Variants in DOP1B observed in about 807,000 individuals in gnomAD.
The protein encoded by DOP1B is protein DOP1B.
DOP1B carries 174 observed loss-of-function variants against 233.5 expected under a neutral mutation model. The ratio of observed to expected loss-of-function variants is 0.75; its 90% confidence interval spans 0.66 to 0.85. The LOEUF (loss-of-function observed/expected upper bound fraction) is 0.85. Among genes scored for constraint, DOP1B ranks in the 40% least tolerant of loss-of-function variants. The probability of loss-of-function intolerance (pLI) is 0.00; values close to 1 mark genes in which losing one functional copy is unlikely to be tolerated. For missense variants in DOP1B, 2,652 were observed against 2,846.6 expected (o/e 0.93, Z 1.56); for synonymous variants, 1,190 against 1,185.6 (o/e 1.00, Z -0.08).
At chr21:36,188,854 G>A (rs1266258351) in intron 2 of DOP1B, among the ~76,000 whole-genome samples, 5 of 151,952 alleles carry the variant, frequency 3.3e-5, no homozygotes, top group African/African-American at 4.8e-5. Context: ...TTTATTTTAC[G>A]GGCTAAATAA....
At chr21:36,271,561 T>C (rs560245955) in intron 27 of DOP1B, among the ~76,000 whole-genome samples, 2 of 152,002 alleles carry the variant, frequency 1.3e-5, no homozygotes, top group East Asian at 3.9e-4. Flanking sequence ...CGTGAGCCTC[T>C]GCGCCCGGCC....
intron 18 of DOP1B, among the ~76,000 whole-genome samples, chr21:36,241,693 C>CTTTT (rs58454212): frequency 1.8e-4 from 19 of 105,520 alleles, no homozygotes; most frequent in African/African-American, 3.0e-4. Flanking sequence ...TTCTTTCTTT[C>CTTTT]TTTTTTTTTT....
intron 16 of DOP1B, 62 bp downstream of exon 16, chr21:36,237,476 T>C: frequency 6.3e-7 from 1 of 1,591,754 alleles, no homozygotes; most frequent in South Asian, 1.1e-5. Context: ...TACGTGCCCT[T>C]AGCCAACTGA....
At chr21:36,170,285 G>A (rs1052459365) in intron 2 of DOP1B, 9 of 316,136 alleles carry the variant, frequency 2.8e-5, no homozygotes, top group African/African-American at 8.9e-5. Flanking sequence ...TTGGGCATTT[G>A]TGTATCTTTT....
intron 26 of DOP1B, 83 bp from the exon 27 acceptor site, chr21:36,269,930 T>C (rs1316535188): frequency 2.1e-6 from 3 of 1,429,178 alleles, no homozygotes; most frequent in Non-Finnish European, 2.9e-6. Flanking sequence ...TGCATTTTAT[T>C]TCTACTGGAC....
chr21:36,184,277 G>A (rs1434696679), intron 2 of DOP1B, among the ~76,000 whole-genome samples: 9 of 151,996 alleles, frequency 5.9e-5, no homozygotes, highest in African/African-American at 1.7e-4. Context: ...TCAAACTCCC[G>A]ACCTCAGGTG....
chr21:36,233,820 C>T (rs1482126002), intron 15 of DOP1B, among the ~76,000 whole-genome samples: 1 of 152,054 alleles, frequency 6.6e-6, no homozygotes, highest in Non-Finnish European at 1.5e-5. Flanking sequence ...GGTGTCAGGT[C>T]CTGGGGGAGC....
rs150752857 is a variant in DOP1B, at chr21:36,247,684, G to A, written c.4809+56G>A. Reference sequence around the variant, plus strand: ...AATTTTCATGTATTGTTTTGTCTTTGGGCTATGACTGTTTCAAATAAGTAA... The same window carrying A: ...AATTTTCATGTATTGTTTTGTCTTTAGGCTATGACTGTTTCAAATAAGTAA... On this transcript the variant is annotated intron_variant, in intron 20 of 36. Coordinates refer to ENST00000691173, the MANE Select transcript of DOP1B (RefSeq NM_001320714.2). The A allele has an allele frequency of 1.7e-4, 223 of 1,293,880 alleles. 1 individual carries two copies. In the African/African-American group the frequency reaches 2.5e-3, roughly 15 times the overall value. 80.1% of individuals were successfully genotyped at this position (1,293,880 alleles called of 1,614,324 possible).
At chr21:36,175,286 T>C (rs1430772458) in intron 2 of DOP1B, among the ~76,000 whole-genome samples, 1 of 151,890 alleles carries the variant, frequency 6.6e-6, no homozygotes, top group Non-Finnish European at 1.5e-5. Flanking sequence ...AATTTTTGTA[T>C]TTTTAGTAGA....
intron 15 of DOP1B, among the ~76,000 whole-genome samples, chr21:36,234,335 A>G (rs1355872094): frequency 6.6e-6 from 1 of 152,212 alleles, no homozygotes; most frequent in Non-Finnish European, 1.5e-5. Context: ...TACACTATAT[A>G]TAGGCACAGG....
Position 36,245,602 on chromosome 21 carries a change from T to G in DOP1B, c.3622T>G (p.Ser1208Ala), listed in dbSNP as rs1261309658. 3.1e-6 allele frequency: 5 copies of G among 1,613,286 alleles called. No homozygotes were observed. The highest frequency in any genetic ancestry group is 3.4e-6 in the Non-Finnish European group (4 of 1,179,894). Residue 1208 changes from serine (S) to alanine (A), a missense_variant, in exon 19 of 37, where the codon TCC becomes GCC. By Grantham distance (99) the Ser-to-Ala change is moderately conservative. This residue lies in a region of DOP1B where 2,617 missense variants were observed against 2,794.3 expected (regional missense o/e 0.94). Coordinates refer to ENST00000691173, the MANE Select transcript of DOP1B (RefSeq NM_001320714.2). This position sits in a 1 kb window ranked among gnomAD's most constrained non-coding sequence, Gnocchi z 5.5. ...CTTGGAGCTCCAGGCCCTCACCACA[T>G]CCAGGCTGCTAAAGCAGCAGCGGGA... ...ADLELQALTT[S>A]RLLKQQRERQ...
intron 23 of DOP1B, 95 bp from the exon 24 acceptor site, chr21:36,260,582 T>C: frequency 1.3e-6 from 2 of 1,538,528 alleles, no homozygotes; most frequent in Non-Finnish European, 1.8e-6. Context: ...AAACCTTTGC[T>C]TTGTTAGGCT....
chr21:36,169,492 C>A (rs1376886628), intron 2 of DOP1B: 1 of 1,114,060 alleles, frequency 9.0e-7, no homozygotes, highest in Non-Finnish European at 1.4e-6. Context: ...AACTGGTGAC[C>A]CCTTTGTAGC....
At chr21:36,161,389 G>A (rs2065868111) in intron 1 of DOP1B, among the ~76,000 whole-genome samples, 1 of 152,120 alleles carries the variant, frequency 6.6e-6, no homozygotes, top group Non-Finnish European at 1.5e-5. Context: ...CACCCACCTC[G>A]GCCTCCCAAA....
intron 16 of DOP1B, 48 bp downstream of exon 16, chr21:36,237,462 G>T: frequency 2.5e-6 from 4 of 1,607,406 alleles, no homozygotes; most frequent in Non-Finnish European, 2.5e-6. Context: ...CCCGGCCCCT[G>T]CTGTACGTGC....
At chr21:36,277,842 A>G (rs1601476349) in intron 28 of DOP1B, 133 bp from the exon 29 acceptor site, 5 of 672,280 alleles carry the variant, frequency 7.4e-6, no homozygotes, top group Middle Eastern at 4.2e-4. Flanking sequence ...GGGTTTCACC[A>G]TGTTGGCCAG....
chr21:36,170,184 A>G (rs2065959573), intron 2 of DOP1B: 1 of 459,952 alleles, frequency 2.2e-6, no homozygotes, highest in Non-Finnish European at 4.0e-6. Flanking sequence ...GAGACATCAC[A>G]CAATCAAATT....
chr21:36,278,112 AC>A, intron 29 of DOP1B, 28 bp downstream of exon 29: 1 of 1,612,968 alleles, frequency 6.2e-7, no homozygotes. Flanking sequence ...ATTTCTTCCC[AC>A]CCATATGCAG....
chr21:36,223,188 AT>A (rs372238128), intron 10 of DOP1B, 42 bp from the exon 11 acceptor site: 320 of 1,528,990 alleles, frequency 2.1e-4, no homozygotes, highest in African/African-American at 1.7e-3. Context: ...GTAATTCAGG[AT>A]TTTTTTATAG....
Sources: gnomAD v4.1 joint callset for allele counts (sites outside exome capture counted in the v4.1 genomes callset) on GRCh38, gnomAD v4.1.1 for gene constraint, gnomAD v4.1.1 regional missense constraint, Gnocchi (gnomAD v3.1) non-coding constraint, MANE v1.5 for transcripts, NCBI Gene and HGNC (gene_info 2026-07-23, HGNC 2026-07-21) for gene names.